CHRM3: variants seen among roughly 807,000 people sequenced by gnomAD.
The protein encoded by CHRM3 is cholinergic receptor muscarinic 3.
Under a neutral mutation model 41.8 loss-of-function variants are expected in CHRM3, and 11 were observed. The ratio of observed to expected loss-of-function variants is 0.26; its 90% CI spans 0.17 to 0.44. CHRM3 has a LOEUF of 0.44. CHRM3 is among the 20% of genes least tolerant of loss of function. CHRM3 has a pLI of 1.00. For missense variants in CHRM3, 571 were observed against 745.4 expected (o/e 0.77, Z 2.72); for synonymous variants, 297 against 301.4 (o/e 0.99, Z 0.15).
chr1:239,875,274 C>T (rs1677024670), intron 6 of CHRM3, among the ~76,000 whole-genome samples: 1 of 152,122 alleles, frequency 6.6e-6, no homozygotes. Flanking sequence ...AGAGAGGTGG[C>T]AACTGTTCTT....
At position 239,908,330 on chromosome 1, in the gene CHRM3, C is replaced by T. The variant is rs202068533; in HGVS notation, c.879C>T (p.Tyr293=). 1.3e-5 allele frequency: 21 copies of T among 1,613,990 alleles called. No homozygotes were observed. In the South Asian group the frequency reaches 1.8e-4, roughly 13 times the overall value. Residue 293 remains tyrosine (Y), a synonymous_variant, in exon 7 of 7, where the codon TAC becomes TAT. Transcript: ENST00000676153. The surrounding 1 kb of genome is among the most constrained non-coding windows in gnomAD (Gnocchi z 7.2). ...GCAGTTCTCGAAGCTGCAGCAGTTA[C>T]GAACTTCAACAGCAAAGCATGAAAC... ...PTGSSRSCSS[Y]ELQQQSMKRS...
intron 4 of CHRM3, among the ~76,000 whole-genome samples, chr1:239,668,883 A>C (rs759301716): frequency 2.0e-5 from 3 of 152,210 alleles, no homozygotes; most frequent in Non-Finnish European, 4.4e-5. Flanking sequence ...TAGAGATAAT[A>C]GGATTAGGAG....
intron 2 of CHRM3, among the ~76,000 whole-genome samples, chr1:239,506,378 G>T (rs1668572257): frequency 6.6e-6 from 1 of 152,154 alleles, no homozygotes; most frequent in African/African-American, 2.4e-5. Context: ...CTCCAGCCAT[G>T]GCTAAAAGAG....
chr1:239,424,411 TG>T (rs1392812070), intron 1 of CHRM3, among the ~76,000 whole-genome samples: 1 of 151,938 alleles, frequency 6.6e-6, no homozygotes, highest in Non-Finnish European at 1.5e-5. Flanking sequence ...GGTGGGAGGG[TG>T]TGAGGTCACC....
At chr1:239,501,620 C>T (rs1668244053) in intron 2 of CHRM3, among the ~76,000 whole-genome samples, 1 of 152,102 alleles carries the variant, frequency 6.6e-6, no homozygotes, top group Admixed American at 6.6e-5. Flanking sequence ...CTTTGGGAGG[C>T]TGAGGTGGGC....
intron 5 of CHRM3, among the ~76,000 whole-genome samples, chr1:239,687,018 G>A (rs1396549809): frequency 1.3e-5 from 2 of 151,934 alleles, no homozygotes; most frequent in Admixed American, 1.3e-4. Flanking sequence ...AAGAAAAATA[G>A]CTATTACTTA....
chr1:239,533,088 T>G (rs908071879), intron 2 of CHRM3, among the ~76,000 whole-genome samples: 1 of 152,182 alleles, frequency 6.6e-6, no homozygotes, highest in Admixed American at 6.6e-5. Context: ...TTTTGTCTTT[T>G]TTTTTAGAAC....
At chr1:239,747,324 CAG>C (rs1211911946) in intron 5 of CHRM3, among the ~76,000 whole-genome samples, 13 of 152,260 alleles carry the variant, frequency 8.5e-5, no homozygotes, top group African/African-American at 3.1e-4. Context: ...ACAAAATAAA[CAG>C]AAATTCCTGA....
chr1:239,413,866 T>A (rs1661297984), intron 1 of CHRM3, among the ~76,000 whole-genome samples: 1 of 152,232 alleles, frequency 6.6e-6, no homozygotes, highest in South Asian at 2.1e-4. Flanking sequence ...CAGCTAAATG[T>A]CAGTTTGTTT....
intron 6 of CHRM3, among the ~76,000 whole-genome samples, chr1:239,893,209 C>T (rs550055019): frequency 6.6e-6 from 1 of 152,276 alleles, no homozygotes; most frequent in Admixed American, 6.5e-5. Flanking sequence ...TAAAAATATG[C>T]ATATGTCATT....
chr1:239,901,337 T>C (rs1420712011), intron 6 of CHRM3, among the ~76,000 whole-genome samples: 1 of 152,058 alleles, frequency 6.6e-6, no homozygotes, highest in Non-Finnish European at 1.5e-5. Flanking sequence ...TTGGGATTTT[T>C]TTTTTTTTCC....
intron 4 of CHRM3, among the ~76,000 whole-genome samples, chr1:239,670,460 A>G (rs982441805): frequency 3.9e-5 from 6 of 152,162 alleles, no homozygotes; most frequent in African/African-American, 1.4e-4. Context: ...ATTCCATTGC[A>G]TGACAGTATC....
At position 239,895,786 on chromosome 1, in the gene CHRM3, A is replaced by G. The variant is rs542288249; in HGVS notation, c.-19-11647A>G. ...GAGCATTGAGTACACATAGACACAA[A>G]GAAGGGAACAACATATACCAGGGCC... On this transcript the variant is annotated intron_variant, in intron 6 of 6. Coordinates refer to ENST00000676153, the MANE Select transcript of CHRM3 (RefSeq NM_001375978.1). Among the ~76,000 whole-genome samples, 11 of 152,304 alleles carry G rather than the reference A, an allele frequency of 7.2e-5. No individual in the cohort carries two copies. The East Asian group carries it at 2.1e-3, about 29-fold the overall frequency.
chr1:239,846,979 T>C (rs899758315), intron 6 of CHRM3, among the ~76,000 whole-genome samples: 71 of 152,184 alleles, frequency 4.7e-4, no homozygotes, highest in Admixed American at 4.6e-3. Flanking sequence ...TTTCTCTCTC[T>C]TACACGTAAA....
At chr1:239,444,945 A>G (rs750308626) in intron 1 of CHRM3, among the ~76,000 whole-genome samples, 1 of 152,220 alleles carries the variant, frequency 6.6e-6, no homozygotes, top group Admixed American at 6.5e-5. Context: ...GGTCTCTGGC[A>G]GTAAAGACAA....
intron 5 of CHRM3, among the ~76,000 whole-genome samples, chr1:239,774,908 C>T (rs1667971474): frequency 6.6e-6 from 1 of 152,012 alleles, no homozygotes; most frequent in Middle Eastern, 3.2e-3. Flanking sequence ...GTGAGGGAAG[C>T]TTATTTAAAC....
At chr1:239,777,450 G>C (rs903498949) in intron 5 of CHRM3, among the ~76,000 whole-genome samples, 3 of 152,268 alleles carry the variant, frequency 2.0e-5, no homozygotes, top group African/African-American at 7.2e-5. Context: ...ATAAAAATTT[G>C]TTCTGGAAGC....
chr1:239,596,351 A>AT (rs571125038), intron 3 of CHRM3, among the ~76,000 whole-genome samples: 25 of 151,654 alleles, frequency 1.6e-4, no homozygotes, highest in Admixed American at 5.9e-4. Context: ...GTTTTATTTA[A>AT]TTTTTTTTTA....
At chr1:239,410,370 T>G (rs12118772) in intron 1 of CHRM3, among the ~76,000 whole-genome samples, 30,145 of 152,118 alleles carry the variant, frequency 0.2, 3,660 homozygotes, top group Non-Finnish European at 0.26. Flanking sequence ...ATATACTTTA[T>G]ATATATACTT....
Sources: gnomAD v4.1 joint callset for allele counts (sites outside exome capture counted in the v4.1 genomes callset) on GRCh38, gnomAD v4.1.1 for gene constraint, Gnocchi (gnomAD v3.1) non-coding constraint, MANE v1.5 for transcripts, NCBI Gene and HGNC (gene_info 2026-07-23, HGNC 2026-07-21) for gene names.